The following PHF11 variants were observed in gnomAD, a reference collection of about 807,000 sequenced individuals.
PHF11 encodes the protein PHD finger protein 11, also known as BRCA1 C-terminus-associated protein.
In PHF11, 38 loss-of-function variants were observed where a neutral mutation model predicts 40.5. The ratio of observed to expected loss-of-function variants is 0.94; its 90% CI spans 0.72 to 1.23. PHF11 has a LOEUF of 1.23. Among genes scored for constraint, PHF11 ranks in the 50% most tolerant of loss-of-function variants. PHF11 has a pLI of 0.00. For missense variants in PHF11, 369 were observed against 392.4 expected (o/e 0.94, Z 0.50); for synonymous variants, 127 against 138.2 (o/e 0.92, Z 0.57).
In PHF11 at chr13:49,525,453, G is replaced by T. The variant is rs1171465530; in HGVS notation, c.770-934G>T. ...AGTAGAGATGGAGTTTCACCATGTT[G>T]GCCAGGCTGGTCTTGAACTCCTGAT... On this transcript the variant is annotated intron_variant, in intron 8 of 9. Transcript: ENST00000378319. Among the ~76,000 whole-genome samples, 4 of 152,114 alleles carry T rather than the reference G, an allele frequency of 2.6e-5. No individual in the cohort carries two copies. The East Asian group carries it at 7.7e-4, about 29-fold the overall frequency.
chr13:49,528,756 C>T lies in PHF11; in HGVS notation c.*91C>T. 1 of 873,646 alleles carries T rather than the reference C, an allele frequency of 1.1e-6. No homozygotes were observed. The highest frequency in any genetic ancestry group is 2.3e-4 in the Middle Eastern group (1 of 4,400). 54.1% of individuals were successfully genotyped at this position (873,646 alleles called of 1,614,324 possible). The stretch of plus-strand genomic sequence containing the variant: ...CTGTGAAATCCACACATCTTTAGAA[C>T]TAGTCGTCTCCTCTTGGCCTCAGCA... On this transcript the variant is annotated 3_prime_UTR_variant, in exon 10 of 10. Transcript: ENST00000378319.
At chr13:49,523,031 G>C in intron 6 of PHF11, 144 bp from the exon 7 acceptor site, 1 of 675,506 alleles carries the variant, frequency 1.5e-6, no homozygotes, top group Non-Finnish European at 2.7e-6. Flanking sequence ...CCAAAGTGCT[G>C]AGATTACAGG....
chr13:49,515,152 G>A (rs898158286), intron 3 of PHF11, among the ~76,000 whole-genome samples: 53 of 152,194 alleles, frequency 3.5e-4, no homozygotes, highest in African/African-American at 1.3e-3. Flanking sequence ...GCTTTGGGAT[G>A]GGTTGGAAGT....
At chr13:49,497,337 T>A (rs750363190) in intron 1 of PHF11, 2 of 553,928 alleles carry the variant, frequency 3.6e-6, no homozygotes, top group Non-Finnish European at 3.2e-6. Context: ...AGAATTCTTG[T>A]TTCCTCCACT....
At chr13:49,497,635 G>A (rs1201040417) in intron 1 of PHF11, among the ~76,000 whole-genome samples, 2 of 152,172 alleles carry the variant, frequency 1.3e-5, no homozygotes, top group African/African-American at 2.4e-5. Context: ...CCTGCAGAGC[G>A]GCCAAAATGC....
intron 1 of PHF11, among the ~76,000 whole-genome samples, chr13:49,503,513 G>A (rs1958937194): frequency 6.6e-6 from 1 of 152,244 alleles, no homozygotes; most frequent in Non-Finnish European, 1.5e-5. Context: ...CACTAGAGGA[G>A]CCCCTCACCA....
chr13:49,521,411 A>G, intron 5 of PHF11: 1 of 987,116 alleles, frequency 1.0e-6, no homozygotes, highest in Non-Finnish European at 1.2e-6. Context: ...GCAGTGTCTT[A>G]GCAGCACTAC....
In PHF11 at chr13:49,520,974, A is replaced by G. The variant is rs1239235764; in HGVS notation, c.505+34A>G. On this transcript the variant is annotated intron_variant, in intron 5 of 9. Transcript: ENST00000378319. ...CTAAAATTTAGCACTGTGGGTTTTA[A>G]AGAAAGGTAAACATTTATGTAACAT... The G allele has an allele frequency of 3.3e-6, 5 of 1,536,754 alleles. No homozygotes were observed. The South Asian group carries it at 3.6e-5, about 11-fold the overall frequency.
chr13:49,515,960 GC>G (rs1392371507), intron 3 of PHF11, among the ~76,000 whole-genome samples: 1 of 152,114 alleles, frequency 6.6e-6, no homozygotes, highest in Non-Finnish European at 1.5e-5. Context: ...AACAGCACTG[GC>G]CATCTGTCTT....
chr13:49,523,990 C>A, intron 7 of PHF11, 95 bp from the exon 8 acceptor site: 1 of 903,704 alleles, frequency 1.1e-6, no homozygotes, highest in Non-Finnish European at 1.7e-6. Context: ...TATGTGCATC[C>A]ACCACTAGGC....
intron 1 of PHF11, among the ~76,000 whole-genome samples, chr13:49,503,383 C>G (rs1011327906): frequency 3.9e-5 from 6 of 152,218 alleles, no homozygotes; most frequent in Non-Finnish European, 5.9e-5. Flanking sequence ...CACTTTGTGA[C>G]ACTTAATTCT....
intron 2 of PHF11, among the ~76,000 whole-genome samples, chr13:49,511,857 C>A (rs938193061): frequency 6.6e-6 from 1 of 152,180 alleles, no homozygotes; most frequent in African/African-American, 2.4e-5. Flanking sequence ...TGTGGACAAT[C>A]CTCATCTTTA....
At chr13:49,506,924 G>A (rs144908703) in intron 2 of PHF11, among the ~76,000 whole-genome samples, 168 bp downstream of exon 2, 3,150 of 72,802 alleles carry the variant, frequency 0.043, 133 homozygotes, top group African/African-American at 0.14. Context: ...TTTTTTTTGA[G>A]ACGGAGTTTC....
chr13:49,512,997 T>C, intron 2 of PHF11, 62 bp from the exon 3 acceptor site: 1 of 815,348 alleles, frequency 1.2e-6, no homozygotes, highest in Non-Finnish European at 2.0e-6. Flanking sequence ...GGTATGATTT[T>C]CTGACATGTA....
chr13:49,515,838 T>C (rs902324778), intron 3 of PHF11, among the ~76,000 whole-genome samples: 4 of 152,172 alleles, frequency 2.6e-5, no homozygotes, highest in Admixed American at 6.5e-5. Flanking sequence ...ATGTTCCCCG[T>C]GCAGAAAGAT....
chr13:49,505,708 T>C (rs1459559345), intron 1 of PHF11, among the ~76,000 whole-genome samples: 1 of 151,586 alleles, frequency 6.6e-6, no homozygotes, highest in Non-Finnish European at 1.5e-5. Context: ...AACAGCTGGC[T>C]TTCTTCTCCC....
At position 49,512,663 on chromosome 13, in the gene PHF11, C is replaced by A. The variant is rs1959094908; in HGVS notation, c.217-396C>A. 2.6e-5 allele frequency among the ~76,000 whole-genome samples: 4 copies of A among 152,182 alleles called. No homozygotes were observed. The South Asian group carries it at 8.3e-4, about 31-fold the overall frequency. The stretch of plus-strand genomic sequence containing the variant: ...TGGGTGTAAGAAACAGCTAGAAAGC[C>A]ATTGGGAACCTAGAATGTCCTCTTT... On this transcript the variant is annotated intron_variant, in intron 2 of 9. Coordinates refer to ENST00000378319, the MANE Select transcript of PHF11 (RefSeq NM_001040443.3).
chr13:49,526,370 T>C lies in PHF11; in HGVS notation c.770-17T>C. 1 of 1,555,060 alleles carries C rather than the reference T, an allele frequency of 6.4e-7. No individual in the cohort carries two copies. The highest frequency in any genetic ancestry group is 1.1e-5 in the South Asian group (1 of 89,742). The stretch of plus-strand genomic sequence containing the variant: ...TATACAAACTGTTTAATATTGAAAA[T>C]GTTTCTCTCCCTCCAGACTATGAAG... On this transcript the variant is annotated splice_polypyrimidine_tract_variant and intron_variant, in intron 8 of 9. Transcript: ENST00000378319.
chr13:49,521,821 G>T, intron 5 of PHF11: 2 of 310,720 alleles, frequency 6.4e-6, no homozygotes, highest in Admixed American at 5.2e-5. Flanking sequence ...AGTTCCCCAT[G>T]TGCCAATTTT....
Sources: gnomAD v4.1 joint callset for allele counts (sites outside exome capture counted in the v4.1 genomes callset) on GRCh38, gnomAD v4.1.1 for gene constraint, MANE v1.5 for transcripts, NCBI Gene and HGNC (gene_info 2026-07-23, HGNC 2026-07-21) for gene names.